Variants in ENOX1 observed in about 807,000 individuals in gnomAD.
ENOX1 encodes candidate growth-related and time keeping constitutive hydroquinone (NADH) oxidase.
Under a neutral mutation model 82.5 loss-of-function variants are expected in ENOX1, and 42 were observed. The observed-to-expected ratio is 0.51, with a 90% confidence interval of 0.40 to 0.66. ENOX1 has a LOEUF of 0.66. Among genes scored for constraint, ENOX1 ranks in the 30% least tolerant of loss-of-function variants. ENOX1 has a pLI of 0.00. For synonymous variants in ENOX1, 271 were observed against 282.2 expected (o/e 0.96, Z 0.40); for missense variants, 608 against 811.6 (o/e 0.75, Z 3.05).
At chr13:43,384,298 G>A (rs1374120558) in intron 5 of ENOX1, among the ~76,000 whole-genome samples, 1 of 152,176 alleles carries the variant, frequency 6.6e-6, no homozygotes, top group Non-Finnish European at 1.5e-5. Context: ...GGCAAGCACA[G>A]TAGGAACAAG....
At chr13:43,469,849 G>T (rs1024250530) in intron 3 of ENOX1, among the ~76,000 whole-genome samples, 4 of 151,908 alleles carry the variant, frequency 2.6e-5, no homozygotes, top group African/African-American at 9.6e-5. Context: ...AAGATGGAAG[G>T]CTTATACCAT....
intron 16 of ENOX1, among the ~76,000 whole-genome samples, chr13:43,217,892 A>T (rs1018109341): frequency 6.6e-6 from 1 of 152,170 alleles, no homozygotes; most frequent in African/African-American, 2.4e-5. Context: ...AGAGGATGTG[A>T]TAGGTCTTTT....
At chr13:43,307,897 T>A (rs536552528) in intron 11 of ENOX1, among the ~76,000 whole-genome samples, 1 of 152,230 alleles carries the variant, frequency 6.6e-6, no homozygotes, top group Non-Finnish European at 1.5e-5. Context: ...CTGGAACTAA[T>A]TGCCCTTGAC....
chr13:43,269,951 C>G (rs2044593517), intron 12 of ENOX1, among the ~76,000 whole-genome samples: 1 of 152,186 alleles, frequency 6.6e-6, no homozygotes, highest in Admixed American at 6.5e-5. Context: ...TACAGTAAAG[C>G]TAGCTTTACA....
At chr13:43,336,944 T>C (rs1435412921) in intron 9 of ENOX1, among the ~76,000 whole-genome samples, 1 of 152,220 alleles carries the variant, frequency 6.6e-6, no homozygotes, top group African/African-American at 2.4e-5. Flanking sequence ...AAGATGAGGC[T>C]GATGCCATTA....
At chr13:43,282,051 T>G (rs765047682) in intron 12 of ENOX1, among the ~76,000 whole-genome samples, 6 of 152,164 alleles carry the variant, frequency 3.9e-5, no homozygotes, top group Non-Finnish European at 8.8e-5. Flanking sequence ...ATAAGAAAGT[T>G]CCTTTCTATT....
chr13:43,556,233 GTTT>G (rs5803187), intron 2 of ENOX1, among the ~76,000 whole-genome samples: 3 of 148,150 alleles, frequency 2.0e-5, no homozygotes, highest in African/African-American at 4.9e-5. Context: ...AACTTGCCCA[GTTT>G]TTTTTTTTTT....
chr13:43,240,983 G>T (rs980463198), intron 14 of ENOX1, among the ~76,000 whole-genome samples: 4 of 152,208 alleles, frequency 2.6e-5, no homozygotes, highest in African/African-American at 7.2e-5. Context: ...CCTCTACGGA[G>T]ATACTGAGGT....
At position 43,214,472 on chromosome 13, in the gene ENOX1, G is replaced by A. The variant is rs141007718; in HGVS notation, c.1801-351C>T. Among the ~76,000 whole-genome samples the A allele has an allele frequency of 9.6e-3, 1,457 of 152,206 alleles. 19 individuals carry two copies. Among genetic ancestry groups the A allele is most frequent in the Middle Eastern group, 0.037 (11 of 294 alleles). ...TCCCAGCAAATCCATCACCACTCCT[G>A]GAAAGCTACTAGTGGCTTCATCCTC... On this transcript the variant is annotated intron_variant, in intron 16 of 16. Coordinates refer to ENST00000690772, the MANE Select transcript of ENOX1 (RefSeq NM_001347969.2).
chr13:43,444,474 T>A (rs186027050), intron 3 of ENOX1, among the ~76,000 whole-genome samples: 3 of 152,096 alleles, frequency 2.0e-5, no homozygotes, highest in South Asian at 2.1e-4. Context: ...TTCTGGGACA[T>A]CCCTTGTCTT....
intron 2 of ENOX1, chr13:43,544,495 T>A (rs955750014): frequency 6.6e-6 from 1 of 152,248 alleles, no homozygotes; most frequent in African/African-American, 2.4e-5. Flanking sequence ...CCATTTAATC[T>A]CCTCTCACCC....
intron 1 of ENOX1, among the ~76,000 whole-genome samples, chr13:43,761,731 T>C (rs185106680): frequency 1.6e-4 from 24 of 152,334 alleles, no homozygotes; most frequent in Non-Finnish European, 2.2e-4. Flanking sequence ...GTGCTCACCA[T>C]GTTCTTGCAG....
At chr13:43,725,685 G>A (rs191116272) in intron 1 of ENOX1, among the ~76,000 whole-genome samples, 45 of 151,990 alleles carry the variant, frequency 3.0e-4, no homozygotes, top group Non-Finnish European at 1.3e-4. Flanking sequence ...GATAGTTTTC[G>A]CCTGGCACGG....
At chr13:43,419,711 C>T (rs1481834884) in intron 3 of ENOX1, among the ~76,000 whole-genome samples, 1 of 152,114 alleles carries the variant, frequency 6.6e-6, no homozygotes, top group African/African-American at 2.4e-5. Flanking sequence ...GTGGCTCATG[C>T]CTGTAATGCC....
chr13:43,508,272 T>C (rs1241513602), intron 2 of ENOX1, among the ~76,000 whole-genome samples: 1 of 151,990 alleles, frequency 6.6e-6, no homozygotes, highest in Non-Finnish European at 1.5e-5. Context: ...TGTGAGGATA[T>C]GGCATTTTCT....
chr13:43,511,504 T>C (rs1312953057), intron 2 of ENOX1, among the ~76,000 whole-genome samples: 3 of 152,148 alleles, frequency 2.0e-5, no homozygotes, highest in Non-Finnish European at 4.4e-5. Flanking sequence ...TGAAATGCTC[T>C]AGAACTTTTA....
chr13:43,629,690 C>A (rs1566669355), intron 2 of ENOX1, among the ~76,000 whole-genome samples: 1 of 152,224 alleles, frequency 6.6e-6, no homozygotes, highest in East Asian at 1.9e-4. Flanking sequence ...TACATTTCTG[C>A]AGAGTTAACA....
In ENOX1 at chr13:43,404,734, TG is replaced by T. The variant is rs1417139396; in HGVS notation, c.208+7181del. On this transcript the variant is annotated intron_variant, in intron 5 of 16. Transcript: ENST00000690772. ...CCTTGTAAAAAATGCTGTAATACTG[TG>T]GTGAGTAAATAAATATACCAATGTA... is the stretch of plus-strand genomic sequence containing the variant. 5.9e-5 allele frequency among the ~76,000 whole-genome samples: 9 copies of T among 152,332 alleles called. No homozygotes were observed. In the East Asian group the frequency reaches 1.5e-3, roughly 26 times the overall value.
At chr13:43,692,786 T>TG (rs1316182758) in intron 1 of ENOX1, among the ~76,000 whole-genome samples, 5 of 152,138 alleles carry the variant, frequency 3.3e-5, no homozygotes, top group Non-Finnish European at 7.4e-5. Flanking sequence ...ATTGAAGACG[T>TG]GGGAAAATGG....
Sources: gnomAD v4.1 joint callset for allele counts (sites outside exome capture counted in the v4.1 genomes callset) on GRCh38, gnomAD v4.1.1 for gene constraint, MANE v1.5 for transcripts, NCBI Gene and HGNC (gene_info 2026-07-23, HGNC 2026-07-21) for gene names.